The following DAB1 variants were observed in gnomAD, a reference collection of about 807,000 sequenced individuals.
DAB1 encodes DAB adaptor protein 1.
A neutral mutation model predicts 64.6 loss-of-function variants in DAB1; 15 were observed. That is an observed-to-expected ratio of 0.23 (90% CI 0.16 to 0.36). The LOEUF is 0.36. Ranked by LOEUF, DAB1 falls within the 10% of genes least tolerant of loss-of-function variation. The pLI, the probability that DAB1 is intolerant of heterozygous loss-of-function variation, is 1.00. For synonymous variants in DAB1, 235 were observed against 251.9 expected, an observed-to-expected ratio of 0.93 and a Z score of 0.64; for missense variants, 596 against 706.7, an observed-to-expected ratio of 0.84 and a Z score of 1.78.
intron 2 of DAB1, among the ~76,000 whole-genome samples, chr1:57,234,843 G>A (rs984681653): frequency 2.0e-5 from 3 of 152,224 alleles, no homozygotes; most frequent in Non-Finnish European, 2.9e-5. Flanking sequence ...ATTCCTTGCT[G>A]ACTATGTGCT....
chr1:57,962,001 T>C (rs1297413589), intron 5 of DAB1, among the ~76,000 whole-genome samples: 2 of 148,406 alleles, frequency 1.3e-5, no homozygotes, highest in Non-Finnish European at 3.0e-5. Flanking sequence ...GTTCACAGAA[T>C]GAGGGAGCCA....
intron 9 of DAB1, among the ~76,000 whole-genome samples, chr1:57,034,437 A>T (rs897761324): frequency 6.6e-6 from 1 of 152,122 alleles, no homozygotes; most frequent in Non-Finnish European, 1.5e-5. Context: ...CTATGTATCT[A>T]TGTCTATTAC....
intron 3 of DAB1, among the ~76,000 whole-genome samples, chr1:58,429,774 C>T (rs915627006): frequency 1.3e-5 from 2 of 152,182 alleles, no homozygotes; most frequent in African/African-American, 2.4e-5. Flanking sequence ...CGCTTGCTTT[C>T]AGTGTAAAGC....
At chr1:57,519,719 G>T (rs1644504199) in intron 7 of DAB1, among the ~76,000 whole-genome samples, 1 of 152,184 alleles carries the variant, frequency 6.6e-6, no homozygotes, top group Admixed American at 6.5e-5. Flanking sequence ...TGGGAAAATT[G>T]CCTGAATCCT....
rs570555356 is a variant in DAB1, at chr1:57,182,460, C to G, written c.68-37031G>C. On this transcript the variant is annotated intron_variant, in intron 2 of 14. Coordinates refer to ENST00000371236, the MANE Select transcript of DAB1 (RefSeq NM_001365792.1). ...GCAGATACGGGGCTAGAGCCCACAACTGCCTGTGCACTCTACATTGTATCA... is the reference window on the plus strand; with the variant it reads ...GCAGATACGGGGCTAGAGCCCACAAGTGCCTGTGCACTCTACATTGTATCA... Among the ~76,000 whole-genome samples, 9 of 152,350 alleles carry G rather than the reference C, an allele frequency of 5.9e-5. No individual in the cohort carries two copies. The East Asian group carries it at 1.2e-3, about 20-fold the overall frequency.
intron 7 of DAB1, among the ~76,000 whole-genome samples, chr1:57,438,896 T>C (rs1468550212): frequency 6.6e-6 from 1 of 152,182 alleles, no homozygotes; most frequent in African/African-American, 2.4e-5. Context: ...CCTACTCATC[T>C]CTACCTCATT....
At chr1:58,182,405 A>G (rs1656842949) in intron 4 of DAB1, among the ~76,000 whole-genome samples, 1 of 151,758 alleles carries the variant, frequency 6.6e-6, no homozygotes, top group Admixed American at 6.6e-5. Flanking sequence ...TCAATTGCTT[A>G]TGAGACTCCC....
chr1:57,685,269 T>C (rs1460932604), intron 6 of DAB1, among the ~76,000 whole-genome samples: 2 of 151,468 alleles, frequency 1.3e-5, no homozygotes, highest in East Asian at 1.9e-4. Flanking sequence ...GCTATTCTTA[T>C]ACTAGATAAA....
At position 56,995,001 on chromosome 1, in the gene DAB1, A is replaced by G. The variant is rs992688526; in HGVS notation, c.*3143T>C. ...TCTTTCTCATCTTTATTAAAAAAAT[A>G]TGTGTCAGAACGCAGAAATTGAAAT... On this transcript the variant is annotated 3_prime_UTR_variant, in exon 15 of 15. Transcript: ENST00000371236. 2.0e-5 allele frequency: 3 copies of G among 152,222 alleles called. No individual in the cohort carries two copies. Among genetic ancestry groups the G allele is most frequent in the Admixed American group, 1.3e-4 (2 of 15,284 alleles). 9.4% of individuals were successfully genotyped at this position (152,222 alleles called of 1,614,324 possible).
chr1:58,138,054 A>G (rs575506151), intron 5 of DAB1, among the ~76,000 whole-genome samples: 37 of 152,308 alleles, frequency 2.4e-4, no homozygotes, highest in African/African-American at 8.9e-4. Flanking sequence ...ATTATTTAAA[A>G]ATATAATGAT....
chr1:58,530,446 T>C (rs1646417638), intron 1 of DAB1, among the ~76,000 whole-genome samples: 1 of 152,188 alleles, frequency 6.6e-6, no homozygotes, highest in South Asian at 2.1e-4. Context: ...TATATAAGAA[T>C]ATCCCCTAAA....
chr1:57,770,331 G>A (rs765680783), intron 6 of DAB1, among the ~76,000 whole-genome samples: 2 of 152,166 alleles, frequency 1.3e-5, no homozygotes, highest in Non-Finnish European at 2.9e-5. Context: ...GCAGTGGTGT[G>A]ATCATAGCTC....
At chr1:58,479,951 T>C (rs986782939) in intron 3 of DAB1, among the ~76,000 whole-genome samples, 1 of 152,180 alleles carries the variant, frequency 6.6e-6, no homozygotes, top group Non-Finnish European at 1.5e-5. Context: ...CCTTTCCTCT[T>C]TAATTCTCTA....
At chr1:57,859,822 C>T (rs12145896) in intron 1 of DAB1, among the ~76,000 whole-genome samples, 4,413 of 152,242 alleles carry the variant, frequency 0.029, 103 homozygotes, top group East Asian at 0.13. Flanking sequence ...ATATCTCTTG[C>T]ACCACTGTGA....
At chr1:58,295,859 G>A (rs543209166) in intron 4 of DAB1, among the ~76,000 whole-genome samples, 1 of 151,870 alleles carries the variant, frequency 6.6e-6, no homozygotes, top group East Asian at 2.0e-4. Context: ...GGGAGGTCAA[G>A]GTGGGTGGAT....
At chr1:58,491,657 A>G (rs1037666453) in intron 3 of DAB1, among the ~76,000 whole-genome samples, 9 of 152,188 alleles carry the variant, frequency 5.9e-5, no homozygotes, top group African/African-American at 2.2e-4. Flanking sequence ...AAAGATCAAA[A>G]GAGACAAAGA....
chr1:57,841,236 G>A (rs543696170), intron 1 of DAB1, among the ~76,000 whole-genome samples: 3 of 152,288 alleles, frequency 2.0e-5, no homozygotes, highest in Non-Finnish European at 4.4e-5. Context: ...AGGTTCCCAT[G>A]GCCTTGGACA....
chr1:58,290,130 G>A lies in DAB1; in HGVS notation n.309+53222C>T, dbSNP rs146619471. ...GACCCCTTCTTTCAAAGAGCCTGCA[G>A]TTCAATAAGTCAGAGACACCAAGAT... On this transcript the variant is annotated intron_variant and non_coding_transcript_variant, in intron 4 of 20. Transcript: ENST00000485760. Among the ~76,000 whole-genome samples, 930 of 152,284 alleles carry A rather than the reference G, an allele frequency of 6.1e-3. 3 individuals are homozygous for A. The highest frequency in any genetic ancestry group is 9.6e-3 in the Non-Finnish European group (654 of 68,014).
At chr1:57,561,521 C>G (rs2101506073) in intron 7 of DAB1, among the ~76,000 whole-genome samples, 1 of 152,348 alleles carries the variant, frequency 6.6e-6, no homozygotes, top group South Asian at 2.1e-4. Flanking sequence ...ATAGACTTCT[C>G]TGAGTGGTTA....
Sources: gnomAD v4.1 joint callset for allele counts (sites outside exome capture counted in the v4.1 genomes callset) on GRCh38, gnomAD v4.1.1 for gene constraint, MANE v1.5 for transcripts, NCBI Gene and HGNC (gene_info 2026-07-23, HGNC 2026-07-21) for gene names.